ACTR3C: variants seen among roughly 807,000 people sequenced by gnomAD.
The protein encoded by ACTR3C is actin-related protein 3C.
In ACTR3C, 18 loss-of-function variants were observed where a neutral mutation model predicts 26.3. The ratio of observed to expected loss-of-function variants is 0.68; its 90% CI spans 0.47 to 1.01. The LOEUF (loss-of-function observed/expected upper bound fraction) is 1.01, where lower values mean the gene tolerates loss of function less well. Among genes scored for constraint, ACTR3C ranks in the 50% least tolerant of loss-of-function variants. The pLI, the probability that ACTR3C is intolerant of heterozygous loss-of-function variation, is 0.00. For missense variants in ACTR3C, 184 were observed against 250.7 expected, an observed-to-expected ratio of 0.73 and a Z score of 1.80; for synonymous variants, 55 against 94.5, an observed-to-expected ratio of 0.58 and a Z score of 2.42.
At chr7:149,968,780 A>G in the ACTR3C span, among the ~76,000 whole-genome samples, 910 of 152,166 alleles carry the variant, frequency 6.0e-3, 8 homozygotes, top group African/African-American at 0.021. Flanking sequence ...TCCAGCATAA[A>G]ATTCATGCAA....
At chr7:149,969,269 CTGTGTGTGTGTGTGTGTGTGTGTG>C in the ACTR3C span, among the ~76,000 whole-genome samples, 12,292 of 141,440 alleles carry the variant, frequency 0.087, 626 homozygotes, top group Middle Eastern at 0.11. Context: ...TCAGAAAGAG[CTGTGTGTGTGTGTGTGTGTGTGTG>C]TGTGTGTGTG....
chr7:150,253,841 T>C (rs1833018549), intron 6 of ACTR3C, among the ~76,000 whole-genome samples: 1 of 151,910 alleles, frequency 6.6e-6, no homozygotes, highest in Non-Finnish European at 1.5e-5. Flanking sequence ...ATCTGCCAGA[T>C]GGAAGAAGTT....
At chr7:150,239,534 C>A (rs796533346), downstream of ACTR3C, among the ~76,000 whole-genome samples, 2,365 of 117,650 alleles carry the variant, frequency 0.02, 41 homozygotes, top group South Asian at 0.035. Context: ...CTCTCTCTCT[C>A]TCTCTCTATA....
chr7:149,901,018 G>A, the ACTR3C span, among the ~76,000 whole-genome samples: 1 of 152,186 alleles, frequency 6.6e-6, no homozygotes, highest in African/African-American at 2.4e-5. Context: ...GGGCAACAAA[G>A]CGAGATTCTG....
chr7:150,155,668 G>A, the ACTR3C span, among the ~76,000 whole-genome samples: 1,038 of 146,110 alleles, frequency 7.1e-3, 18 homozygotes, highest in African/African-American at 0.025. Context: ...TTCCTCACAG[G>A]CAGCCTTCCA....
At chr7:150,105,066 C>A in the ACTR3C span, among the ~76,000 whole-genome samples, 2 of 151,332 alleles carry the variant, frequency 1.3e-5, no homozygotes, top group Non-Finnish European at 2.9e-5. Context: ...ATTGCATCTG[C>A]CTTCTTCATT....
chr7:150,140,916 G>A, the ACTR3C span, among the ~76,000 whole-genome samples: 1 of 152,374 alleles, frequency 6.6e-6, no homozygotes, highest in South Asian at 2.1e-4. Context: ...TGCTACTCCA[G>A]TGAACACATG....
chr7:150,224,836 C>G, the ACTR3C span, among the ~76,000 whole-genome samples: 8 of 152,096 alleles, frequency 5.3e-5, no homozygotes, highest in Non-Finnish European at 1.2e-4. Flanking sequence ...CTCTTCTCAC[C>G]CATTCATTTA....
At chr7:150,312,352 C>G (rs1388008306) in intron 1 of ACTR3C, among the ~76,000 whole-genome samples, 3 of 152,194 alleles carry the variant, frequency 2.0e-5, no homozygotes, top group Non-Finnish European at 4.4e-5. Context: ...GCAATCAAAA[C>G]TATTGAACTT....
At chr7:149,937,225 C>G in the ACTR3C span, among the ~76,000 whole-genome samples, 45,272 of 103,986 alleles carry the variant, frequency 0.44, 10,270 homozygotes, top group South Asian at 0.53. Context: ...GCCACATGGG[C>G]TTTTTAGGCA....
At chr7:150,018,126 G>A in the ACTR3C span, among the ~76,000 whole-genome samples, 1 of 150,178 alleles carries the variant, frequency 6.7e-6, no homozygotes, top group Non-Finnish European at 1.5e-5. Context: ...TTTCGTTTTT[G>A]AGATGGAGTC....
the ACTR3C span, among the ~76,000 whole-genome samples, chr7:150,130,120 CA>C: frequency 5.9e-5 from 9 of 152,108 alleles, no homozygotes; most frequent in Admixed American, 5.9e-4. Flanking sequence ...ACTGGACATC[CA>C]CATACCAGCA....
the ACTR3C span, among the ~76,000 whole-genome samples, chr7:150,039,263 G>A: frequency 8.8e-5 from 13 of 147,084 alleles, 1 homozygote; most frequent in East Asian, 2.1e-4. Flanking sequence ...CTCAATCTCT[G>A]CCTCGGGGGG....
chr7:150,096,121 T>C, the ACTR3C span, among the ~76,000 whole-genome samples: 4 of 148,872 alleles, frequency 2.7e-5, no homozygotes, highest in African/African-American at 1.0e-4. Context: ...ACAGAAAACC[T>C]TCACTTACAC....
chr7:150,108,569 G>T, the ACTR3C span, among the ~76,000 whole-genome samples: 1 of 149,210 alleles, frequency 6.7e-6, no homozygotes, highest in Non-Finnish European at 1.5e-5. Flanking sequence ...TGTTTGGGGG[G>T]TGGGGCCTTT....
Position 150,265,392 on chromosome 7 carries a change from TA to T in ACTR3C, c.565-16339del, listed in dbSNP as rs370023887. Among the ~76,000 whole-genome samples the T allele has an allele frequency of 1.4e-3, 200 of 147,034 alleles. 2 individuals carry two copies. The highest frequency in any genetic ancestry group is 4.0e-3 in the African/African-American group (157 of 39,696). On this transcript the variant is annotated intron_variant, in intron 6 of 7. Transcript: ENST00000683684. ...GATTTTTTTAAAAAAACATTTTATT[TA>T]AAAAAAAAAAGTTTTTTAGGTCTGG...
the ACTR3C span, among the ~76,000 whole-genome samples, chr7:150,137,673 C>T: frequency 2.0e-5 from 3 of 152,100 alleles, no homozygotes; most frequent in African/African-American, 7.2e-5. Flanking sequence ...TTAGAGAATA[C>T]AAATGAAGGA....
At chr7:150,028,143 G>T in the ACTR3C span, among the ~76,000 whole-genome samples, 1 of 152,276 alleles carries the variant, frequency 6.6e-6, no homozygotes, top group Non-Finnish European at 1.5e-5. Flanking sequence ...GATTATGCAG[G>T]CTTTCCATTC....
At chr7:150,058,917 C>CA in the ACTR3C span, among the ~76,000 whole-genome samples, 163 of 151,836 alleles carry the variant, frequency 1.1e-3, no homozygotes, top group East Asian at 0.023. Context: ...GACTCTGCCT[C>CA]AAAAAAACAA....
Sources: gnomAD v4.1 joint callset for allele counts (sites outside exome capture counted in the v4.1 genomes callset) on GRCh38, gnomAD v4.1.1 for gene constraint, MANE v1.5 for transcripts, NCBI Gene and HGNC (gene_info 2026-07-23, HGNC 2026-07-21) for gene names.